Variants in SPOCK1 observed in about 807,000 individuals in gnomAD.
The protein encoded by SPOCK1 is SPARC (osteonectin), cwcv and kazal like domains proteoglycan 1.
Under a neutral mutation model 55.3 loss-of-function variants are expected in SPOCK1, and 23 were observed. The observed-to-expected ratio is 0.42, with a 90% CI of 0.30 to 0.59. The LOEUF is 0.59. Among genes scored for constraint, SPOCK1 ranks in the 20% least tolerant of loss-of-function variants. The pLI, the probability that SPOCK1 is intolerant of heterozygous loss-of-function variation, is 0.22. For synonymous variants in SPOCK1, 226 were observed against 221.0 expected, an observed-to-expected ratio of 1.02 and a Z score of -0.20; for missense variants, 499 against 552.5, an observed-to-expected ratio of 0.90 and a Z score of 0.97.
chr5:137,371,777 G>A (rs1281036422), intron 2 of SPOCK1, among the ~76,000 whole-genome samples: 1 of 152,282 alleles, frequency 6.6e-6, no homozygotes, highest in East Asian at 1.9e-4. Context: ...ATCATCTGAG[G>A]CTTTGTAAAT....
chr5:137,314,181 A>G (rs377123433), intron 2 of SPOCK1, among the ~76,000 whole-genome samples: 1 of 151,698 alleles, frequency 6.6e-6, no homozygotes, highest in African/African-American at 2.4e-5. Context: ...AGCAGTGCCC[A>G]TCTCATTTCC....
intron 3 of SPOCK1, among the ~76,000 whole-genome samples, chr5:137,259,296 A>G (rs183833526): frequency 1.8e-3 from 267 of 152,334 alleles, no homozygotes; most frequent in African/African-American, 6.2e-3. Context: ...ACACCATGGA[A>G]TACTATACAG....
rs536405854 is a variant in SPOCK1, at chr5:137,259,322, A to G, written c.232+7688T>C. On this transcript the variant is annotated intron_variant, in intron 3 of 10. Transcript: ENST00000394945. The stretch of plus-strand genomic sequence containing the variant: ...TACTATACAGCCATAAAAAAGGATG[A>G]GTTCATGTCCTTTGCAGGGACCTGG... Among the ~76,000 whole-genome samples the G allele has an allele frequency of 7.9e-5, 12 of 152,352 alleles. No individual in the cohort carries two copies. In the South Asian group the frequency reaches 2.5e-3, roughly 32 times the overall value.
chr5:137,020,115 AAGG>A (rs1751537592), intron 6 of SPOCK1, among the ~76,000 whole-genome samples: 1 of 151,860 alleles, frequency 6.6e-6, no homozygotes, highest in African/African-American at 2.4e-5. Context: ...ATTAGAAAAA[AAGG>A]AGAGATAAAA....
chr5:137,098,849 C>T (rs1173311907), intron 5 of SPOCK1, among the ~76,000 whole-genome samples: 2 of 152,182 alleles, frequency 1.3e-5, no homozygotes, highest in Non-Finnish European at 2.9e-5. Flanking sequence ...GCCACCGGGT[C>T]CACAGGCTCC....
intron 2 of SPOCK1, among the ~76,000 whole-genome samples, chr5:137,281,961 A>G (rs1243108689): frequency 6.6e-6 from 1 of 152,206 alleles, no homozygotes; most frequent in African/African-American, 2.4e-5. Flanking sequence ...TTTAACTGGT[A>G]ACTTTTCTTG....
At chr5:137,419,301 T>C (rs1752429720) in intron 2 of SPOCK1, among the ~76,000 whole-genome samples, 1 of 152,188 alleles carries the variant, frequency 6.6e-6, no homozygotes, top group Non-Finnish European at 1.5e-5. Flanking sequence ...TTTGGTTCCA[T>C]ATGAACTTTA....
intron 2 of SPOCK1, among the ~76,000 whole-genome samples, chr5:137,271,738 G>T (rs1392433298): frequency 6.6e-6 from 1 of 152,120 alleles, no homozygotes; most frequent in African/African-American, 2.4e-5. Flanking sequence ...AAAAGATGGG[G>T]TGGCAGAACC....
chr5:137,057,431 A>T (rs1752321258), intron 6 of SPOCK1, among the ~76,000 whole-genome samples: 1 of 152,208 alleles, frequency 6.6e-6, no homozygotes, highest in African/African-American at 2.4e-5. Flanking sequence ...TCTGAGCTTT[A>T]TCTGGCATCA....
chr5:137,193,653 G>T (rs1755233401), intron 3 of SPOCK1, among the ~76,000 whole-genome samples: 1 of 152,198 alleles, frequency 6.6e-6, no homozygotes, highest in Non-Finnish European at 1.5e-5. Flanking sequence ...GATGGAAAGG[G>T]TAGAGCTGAA....
intron 4 of SPOCK1, among the ~76,000 whole-genome samples, chr5:137,136,128 G>A (rs1178644701): frequency 3.3e-5 from 5 of 152,128 alleles, no homozygotes; most frequent in African/African-American, 7.2e-5. Context: ...TTGCATTACA[G>A]TTCAGGCTTT....
At chr5:137,290,742 C>T (rs562731618) in intron 2 of SPOCK1, among the ~76,000 whole-genome samples, 28 of 152,270 alleles carry the variant, frequency 1.8e-4, no homozygotes, top group Non-Finnish European at 3.1e-4. Context: ...CCAGGGAAAC[C>T]TTCATATGGC....
Position 137,449,725 on chromosome 5 carries a change from T to C in SPOCK1, c.186+48648A>G, listed in dbSNP as rs1161500282. ...GTATCACAGTGGAACCCCATCTCTATGAAAAATAAAATAAAATAAAATAGC... is the reference window on the plus strand; with the variant it reads ...GTATCACAGTGGAACCCCATCTCTACGAAAAATAAAATAAAATAAAATAGC... On this transcript the variant is annotated intron_variant, in intron 2 of 10. Transcript: ENST00000394945. 2.7e-5 allele frequency among the ~76,000 whole-genome samples: 4 copies of C among 147,246 alleles called. No individual in the cohort carries two copies. The East Asian group carries it at 8.0e-4, about 29-fold the overall frequency.
chr5:137,173,816 A>G (rs1761355751), intron 3 of SPOCK1, among the ~76,000 whole-genome samples: 2 of 152,200 alleles, frequency 1.3e-5, no homozygotes, highest in African/African-American at 4.8e-5. Flanking sequence ...AGCAACACTT[A>G]TCCTCCTAAA....
chr5:137,413,485 G>T (rs550345434), intron 2 of SPOCK1, among the ~76,000 whole-genome samples: 81 of 151,840 alleles, frequency 5.3e-4, no homozygotes, highest in African/African-American at 1.8e-3. Context: ...TAGATGAATG[G>T]GATTTCTATT....
intron 9 of SPOCK1, among the ~76,000 whole-genome samples, chr5:136,979,697 G>A (rs559576602): frequency 2.0e-5 from 3 of 152,126 alleles, no homozygotes; most frequent in Non-Finnish European, 4.4e-5. Context: ...AATGATAATA[G>A]CTATCATGTA....
chr5:137,054,598 G>A (rs762343610), intron 6 of SPOCK1, among the ~76,000 whole-genome samples: 1 of 152,190 alleles, frequency 6.6e-6, no homozygotes, highest in Admixed American at 6.5e-5. Context: ...AGTCAGTGTG[G>A]TTATCACAGA....
chr5:137,431,098 G>A (rs753064884), intron 2 of SPOCK1, among the ~76,000 whole-genome samples: 5 of 152,178 alleles, frequency 3.3e-5, no homozygotes, highest in Non-Finnish European at 5.9e-5. Flanking sequence ...GGAGCCATAC[G>A]GGAAAGACCC....
chr5:137,249,941 T>C (rs1272957546), intron 3 of SPOCK1, among the ~76,000 whole-genome samples: 2 of 152,204 alleles, frequency 1.3e-5, no homozygotes, highest in African/African-American at 4.8e-5. Flanking sequence ...AAAACCTGGT[T>C]GAGGAGACAC....
Sources: allele counts gnomAD v4.1 joint callset (sites outside exome capture counted in the v4.1 genomes callset), GRCh38; gene constraint gnomAD v4.1.1; transcripts MANE v1.5; gene names NCBI Gene and HGNC (gene_info 2026-07-23, HGNC 2026-07-21).